RAB44: variants seen among roughly 807,000 people sequenced by gnomAD.
RAB44 encodes the protein RAB44, member RAS oncogene family, also known as ras-related protein Rab-44.
A neutral mutation model predicts 93.3 loss-of-function variants in RAB44; 67 were observed. That is an observed-to-expected ratio of 0.72 (90% confidence interval 0.59 to 0.88). RAB44 has a LOEUF of 0.88. Ranked by LOEUF, RAB44 falls within the 40% of genes least tolerant of loss-of-function variation. The pLI is 0.00. For missense variants in RAB44, 1,064 were observed against 1,261.7 expected (o/e 0.84, Z 2.37); for synonymous variants, 427 against 520.3 (o/e 0.82, Z 2.44).
chr6:36,711,950 T>C (rs1762799658), intron 2 of RAB44, among the ~76,000 whole-genome samples: 1 of 150,618 alleles, frequency 6.6e-6, no homozygotes, highest in African/African-American at 2.4e-5. Flanking sequence ...GACATATAGA[T>C]ACACAGACAC....
chr6:36,732,022 G>A lies in RAB44; in HGVS notation c.2995G>A (p.Glu999Lys). The A allele has an allele frequency of 8.1e-7, 1 of 1,234,416 alleles. No homozygotes were observed. The highest frequency in any genetic ancestry group is 1.0e-6 in the Non-Finnish European group (1 of 988,244). The allele number at this position is 1,234,416 out of a possible 1,614,324, so 76.5% of individuals were successfully genotyped here. Reference sequence around the variant, plus strand: ...ACATAGGTCACTCAGGATGCAAGAAGAAGGCCTGAAGGACTCGCTGGTGAA... The same window carrying A: ...ACATAGGTCACTCAGGATGCAAGAAAAAGGCCTGAAGGACTCGCTGGTGAA... The part of the protein sequence containing the change: ...NLARSLRMQE[E>K]GLKDSLVKVA... The change falls in exon 14 of 14, where the codon GAA (glutamate) becomes AAA (lysine). Residue 999 changes from glutamate to lysine, a missense_variant. Physicochemically the swap from Glu to Lys is moderately conservative, Grantham distance 56. Transcript: ENST00000612677.
At chr6:36,711,655 A>G (rs1262218731) in intron 2 of RAB44, among the ~76,000 whole-genome samples, 2 of 152,188 alleles carry the variant, frequency 1.3e-5, no homozygotes, top group Admixed American at 6.5e-5. Context: ...GTCTCTATAA[A>G]CCAATCAACA....
rs1269634928 is a variant in RAB44 at position 36,722,709 on chromosome 6, G to A, written c.2575G>A (p.Ala859Thr). The A allele has an allele frequency of 4.5e-6, 7 of 1,550,480 alleles. No individual in the cohort carries two copies. Among genetic ancestry groups the A allele is most frequent in the African/African-American group, 2.7e-5 (2 of 73,046 alleles). Residue 859 changes from alanine (A) to threonine (T), a missense_variant, in exon 9 of 14, where the codon GCC becomes ACC. Ala to Thr is a moderately conservative substitution (Grantham distance 58). Coordinates refer to ENST00000612677, the MANE Select transcript of RAB44 (RefSeq NM_001257357.2). ...GCACCTGCTGCACCAGAATTCTTTC[G>A]CCACCGGATTGACAGCTACCGTGGG... ...FLHLLHQNSF[A>T]TGLTATVGVD...
intron 2 of RAB44, among the ~76,000 whole-genome samples, chr6:36,710,780 C>T (rs563844026): frequency 1.5e-4 from 23 of 152,198 alleles, no homozygotes; most frequent in South Asian, 4.2e-4. Flanking sequence ...TGCACCATCA[C>T]GTGTGGCTAA....
chr6:36,723,005 A>G (rs180769538), intron 9 of RAB44, among the ~76,000 whole-genome samples: 1 of 152,318 alleles, frequency 6.6e-6, no homozygotes, highest in Admixed American at 6.5e-5. Flanking sequence ...TGCCTGCGAG[A>G]GTTGATGGTG....
intron 9 of RAB44, among the ~76,000 whole-genome samples, chr6:36,724,713 C>T (rs1162951441): frequency 1.3e-5 from 2 of 152,196 alleles, no homozygotes; most frequent in African/African-American, 4.8e-5. Flanking sequence ...AGCCGGCATG[C>T]ACTGCTAGCC....
intron 3 of RAB44, 43 bp from the exon 4 acceptor site, chr6:36,715,436 C>A (rs1762890891): frequency 3.3e-6 from 5 of 1,524,746 alleles, no homozygotes; most frequent in Admixed American, 4.0e-5. Context: ...GGCGTCTGGG[C>A]CCAACACCAC....
rs544575169 is a variant in RAB44, at chr6:36,732,625, C to G, written c.*532C>G. On this transcript the variant is annotated 3_prime_UTR_variant, in exon 14 of 14. Coordinates refer to ENST00000612677, the MANE Select transcript of RAB44 (RefSeq NM_001257357.2). Reference sequence around the variant, plus strand: ...GGTGTTAGAGCGGTCCCTCTGTGCTCTGCTTGGCAGGGCGCTGTTGGCCTG... The same window carrying G: ...GGTGTTAGAGCGGTCCCTCTGTGCTGTGCTTGGCAGGGCGCTGTTGGCCTG... The G allele has an allele frequency of 8.5e-5, 13 of 152,316 alleles. No homozygotes were observed. The highest frequency in any genetic ancestry group is 3.1e-4 in the African/African-American group (13 of 41,560). 9.4% of individuals were successfully genotyped at this position (152,316 alleles called of 1,614,324 possible).
At chr6:36,712,703 C>T (rs997720811) in intron 2 of RAB44, among the ~76,000 whole-genome samples, 4 of 152,076 alleles carry the variant, frequency 2.6e-5, no homozygotes, top group Non-Finnish European at 5.9e-5. Flanking sequence ...AATAGAAAAA[C>T]AAACAACAAC....
intron 2 of RAB44, among the ~76,000 whole-genome samples, chr6:36,706,193 C>T (rs140839316): frequency 2.0e-5 from 3 of 151,650 alleles, no homozygotes; most frequent in African/African-American, 7.3e-5. Flanking sequence ...AGCTGCCATG[C>T]CCAGGCTGGT....
rs954150430 is a variant in RAB44 at position 36,718,089 on chromosome 6, C to T, written c.703C>T (p.Arg235Cys). Residue 235 changes from arginine to cysteine, a missense_variant, in exon 6 of 14, where the codon CGC becomes TGC. Arg to Cys is a radical substitution (Grantham distance 180). Transcript: ENST00000612677. Reference sequence around the variant, plus strand: ...CTATGAGGAGATGGAGCAGCAGATCCGCCAGGAGAAGCAGCAGCTGCAGGC... The same window carrying T: ...CTATGAGGAGATGGAGCAGCAGATCTGCCAGGAGAAGCAGCAGCTGCAGGC... ...QLYEEMEQQIRQEKQQLQAES... is the reference protein window; with the variant it reads ...QLYEEMEQQICQEKQQLQAES... 56 of 1,232,168 alleles carry T rather than the reference C, an allele frequency of 4.5e-5. No homozygotes were observed. The highest frequency in any genetic ancestry group is 5.2e-5 in the Non-Finnish European group (51 of 988,136). The allele number at this position is 1,232,168 out of a possible 1,614,324, so 76.3% of individuals were successfully genotyped here. A position where few individuals can be genotyped will look rare whatever the true frequency, so the allele number is the denominator to read the frequency against.
chr6:36,712,682 T>C (rs1011339716), intron 2 of RAB44, among the ~76,000 whole-genome samples: 2 of 152,166 alleles, frequency 1.3e-5, no homozygotes. Flanking sequence ...CTTAACTAAT[T>C]TGAGATCACA....
rs1763296214 is a variant in RAB44 at position 36,728,794 on chromosome 6, T to C, written c.2891T>C (p.Leu964Pro). 1 of 1,550,182 alleles carries C rather than the reference T, an allele frequency of 6.5e-7. No homozygotes were observed. The highest frequency in any genetic ancestry group is 2.0e-5 in the Admixed American group (1 of 50,986). ...RQVSVEAGQQ[L>P]AQELGVYFGE... ...GTGTCCGTGGAAGCTGGGCAGCAAC[T>C]GGCCCAGGTAAGCACTTGGGCATCA... The change falls in exon 12 of 14, where the codon CTG (leucine) becomes CCG (proline). Residue 964 changes from leucine to proline, a missense_variant. Coordinates refer to ENST00000612677, the MANE Select transcript of RAB44 (RefSeq NM_001257357.2).
intron 2 of RAB44, among the ~76,000 whole-genome samples, chr6:36,709,686 G>A (rs371570612): frequency 5.4e-4 from 82 of 152,210 alleles, no homozygotes; most frequent in Middle Eastern, 6.8e-3. Context: ...CACCCAATTA[G>A]CTGGAATTAC....
chr6:36,709,598 C>G (rs1372432678), intron 2 of RAB44, among the ~76,000 whole-genome samples: 1 of 152,254 alleles, frequency 6.6e-6, no homozygotes, highest in South Asian at 2.1e-4. Context: ...CTCTGTTGTC[C>G]GGGCTGTAGT....
chr6:36,727,466 A>G (rs936753548), intron 10 of RAB44, 111 bp from the exon 11 acceptor site: 1 of 686,648 alleles, frequency 1.5e-6, no homozygotes, highest in Admixed American at 2.2e-5. Context: ...GCATACGGAC[A>G]TGCTCTGTGG....
At chr6:36,719,892 G>A (rs1763027140) in intron 7 of RAB44, among the ~76,000 whole-genome samples, 1 of 152,192 alleles carries the variant, frequency 6.6e-6, no homozygotes, top group African/African-American at 2.4e-5. Context: ...CATGAGGGGA[G>A]GTGAGGAGGC....
chr6:36,726,243 C>CA (rs1170262445), intron 10 of RAB44, among the ~76,000 whole-genome samples: 3 of 152,118 alleles, frequency 2.0e-5, no homozygotes, highest in Non-Finnish European at 4.4e-5. Flanking sequence ...CAGTAGTGAT[C>CA]AAAAATTTTT....
At chr6:36,716,593 C>T (rs989320066) in intron 4 of RAB44, among the ~76,000 whole-genome samples, 4 of 152,064 alleles carry the variant, frequency 2.6e-5, no homozygotes, top group Non-Finnish European at 5.9e-5. Context: ...CCCAGGTTTG[C>T]TTGCCCCACC....
Sources: allele counts gnomAD v4.1 joint callset (sites outside exome capture counted in the v4.1 genomes callset), GRCh38; gene constraint gnomAD v4.1.1; transcripts MANE v1.5; gene names NCBI Gene and HGNC (gene_info 2026-07-23, HGNC 2026-07-21).